Variants in RNF152 observed in about 807,000 individuals in gnomAD.
The protein encoded by RNF152 is E3 ubiquitin-protein ligase RNF152.
In RNF152, 11 loss-of-function variants were observed where a neutral mutation model predicts 12.7. That is an observed-to-expected ratio of 0.86 (90% CI 0.54 to 1.43). The LOEUF is 1.43. Among genes scored for constraint, RNF152 ranks in the 40% most tolerant of loss-of-function variants. The pLI is 0.00. For synonymous variants in RNF152, 113 were observed against 120.3 expected, an observed-to-expected ratio of 0.94 and a Z score of 0.40; for missense variants, 255 against 274.8, an observed-to-expected ratio of 0.93 and a Z score of 0.51.
intron 1 of RNF152, among the ~76,000 whole-genome samples, chr18:61,824,248 T>C (rs984217338): frequency 1.3e-5 from 2 of 152,218 alleles, no homozygotes; most frequent in Non-Finnish European, 2.9e-5. Flanking sequence ...ATAGGTTACC[T>C]TAAGCAAATA....
chr18:61,854,077 T>C (rs2144700345), intron 1 of RNF152, among the ~76,000 whole-genome samples: 1 of 152,316 alleles, frequency 6.6e-6, no homozygotes, highest in African/African-American at 2.4e-5. Flanking sequence ...AAGCCCCACG[T>C]TCTTTCTGCC....
chr18:61,873,215 C>A (rs1216012179), intron 1 of RNF152, among the ~76,000 whole-genome samples: 1 of 152,172 alleles, frequency 6.6e-6, no homozygotes, highest in Non-Finnish European at 1.5e-5. Flanking sequence ...CAGAATTTCA[C>A]AAAATGCTTA....
chr18:61,823,462 AT>A (rs33930800), intron 1 of RNF152, among the ~76,000 whole-genome samples: 40,792 of 151,736 alleles, frequency 0.27, 6,249 homozygotes, highest in Non-Finnish European at 0.35. Flanking sequence ...CACCCAGCTA[AT>A]TTTTTTTGTA....
At chr18:61,873,749 AT>A in intron 1 of RNF152, among the ~76,000 whole-genome samples, 1 of 152,318 alleles carries the variant, frequency 6.6e-6, no homozygotes, top group African/African-American at 2.4e-5. Context: ...AAAGTCCGTT[AT>A]GAACATCAGT....
At chr18:61,880,411 C>T (rs1912408068) in intron 1 of RNF152, among the ~76,000 whole-genome samples, 1 of 152,166 alleles carries the variant, frequency 6.6e-6, no homozygotes, top group Non-Finnish European at 1.5e-5. Context: ...AGAGGAAGGA[C>T]TCAAGCCAGA....
chr18:61,830,238 C>T (rs772524857), intron 1 of RNF152, among the ~76,000 whole-genome samples: 1 of 152,010 alleles, frequency 6.6e-6, no homozygotes, highest in South Asian at 2.1e-4. Flanking sequence ...TTTGGCCAGG[C>T]TGGTCTTGAA....
At chr18:61,892,305 A>C (rs2144780918) in intron 1 of RNF152, among the ~76,000 whole-genome samples, 1 of 152,280 alleles carries the variant, frequency 6.6e-6, no homozygotes, top group East Asian at 1.9e-4. Flanking sequence ...TGCAAACACT[A>C]TTACAATGAA....
At chr18:61,886,202 A>C (rs1912690653) in intron 1 of RNF152, among the ~76,000 whole-genome samples, 1 of 152,100 alleles carries the variant, frequency 6.6e-6, no homozygotes, top group Non-Finnish European at 1.5e-5. Flanking sequence ...TCTTAAAAAT[A>C]AGTTTCTATC....
intron 1 of RNF152, among the ~76,000 whole-genome samples, chr18:61,853,265 G>A (rs975662798): frequency 1.3e-5 from 2 of 151,668 alleles, no homozygotes; most frequent in Admixed American, 1.3e-4. Context: ...TTCTTTCTGG[G>A]GGCTCTAACG....
intron 1 of RNF152, among the ~76,000 whole-genome samples, chr18:61,857,718 CA>C (rs1379951317): frequency 1.3e-5 from 2 of 152,100 alleles, no homozygotes; most frequent in African/African-American, 4.8e-5. Flanking sequence ...AACAAACAAA[CA>C]AACAAAAACT....
chr18:61,878,101 A>G (rs375018831), intron 1 of RNF152, among the ~76,000 whole-genome samples: 1 of 152,222 alleles, frequency 6.6e-6, no homozygotes, highest in Non-Finnish European at 1.5e-5. Context: ...TCTGAACTGC[A>G]TCTCATTTCC....
intron 1 of RNF152, among the ~76,000 whole-genome samples, chr18:61,848,244 C>T (rs1910822486): frequency 1.3e-5 from 2 of 152,012 alleles, no homozygotes; most frequent in Admixed American, 6.5e-5. Flanking sequence ...CTGTCTCTCC[C>T]TCTCCCTCTC....
chr18:61,892,174 G>T (rs1313287665), intron 1 of RNF152, among the ~76,000 whole-genome samples: 1 of 152,156 alleles, frequency 6.6e-6, no homozygotes, highest in African/African-American at 2.4e-5. Context: ...AGAGTCTACT[G>T]GTTCATGGCT....
At position 61,814,359 on chromosome 18, in the gene RNF152, A is replaced by C. The variant is rs1027956810; in HGVS notation, c.*1493T>G. On this transcript the variant is annotated 3_prime_UTR_variant, in exon 2 of 2. Coordinates refer to ENST00000312828, the MANE Select transcript of RNF152 (RefSeq NM_173557.3). ...CAGGGATTCAGTGGAACATAAAAACAGTTATATTTATAAGTGGAGTCCTTG... is the reference window on the plus strand; with the variant it reads ...CAGGGATTCAGTGGAACATAAAAACCGTTATATTTATAAGTGGAGTCCTTG... The C allele has an allele frequency of 2.6e-5, 4 of 152,188 alleles. No individual in the cohort carries two copies. The highest frequency in any genetic ancestry group is 9.7e-5 in the African/African-American group (4 of 41,444). The allele number at this position is 152,188 out of a possible 1,614,324, so 9.4% of individuals were successfully genotyped here.
chr18:61,816,591 G>A lies in RNF152; in HGVS notation c.-128C>T. On this transcript the variant is annotated 5_prime_UTR_variant, in exon 2 of 2. Transcript: ENST00000312828. The stretch of plus-strand genomic sequence containing the variant: ...ACAGGCATCCAGTACTCACAGGTGT[G>A]TTCATTTCTGAGAGAGACAAATAAT... 1 of 937,472 alleles carries A rather than the reference G, an allele frequency of 1.1e-6. No homozygotes were observed. The highest frequency in any genetic ancestry group is 1.6e-6 in the Non-Finnish European group (1 of 616,166). 58.1% of individuals were successfully genotyped at this position (937,472 alleles called of 1,614,324 possible). A position where few individuals can be genotyped will look rare whatever the true frequency, so the allele number is the denominator to read the frequency against.
intron 1 of RNF152, among the ~76,000 whole-genome samples, chr18:61,877,406 T>C (rs1568292679): frequency 6.6e-6 from 1 of 152,226 alleles, no homozygotes; most frequent in Non-Finnish European, 1.5e-5. Context: ...GATTTATTTA[T>C]TAATGGTGTG....
chr18:61,816,841 T>C (rs1014086993), intron 1 of RNF152, among the ~76,000 whole-genome samples: 3 of 152,220 alleles, frequency 2.0e-5, no homozygotes, highest in African/African-American at 4.8e-5. Context: ...ACTCCAATAG[T>C]TGTAGACGAT....
At chr18:61,864,397 A>G (rs925482748) in intron 1 of RNF152, among the ~76,000 whole-genome samples, 6 of 152,236 alleles carry the variant, frequency 3.9e-5, no homozygotes, top group Non-Finnish European at 7.3e-5. Context: ...GATAACAGAT[A>G]CAACTCAGAT....
At chr18:61,850,824 C>G (rs1259584840) in intron 1 of RNF152, among the ~76,000 whole-genome samples, 1 of 152,194 alleles carries the variant, frequency 6.6e-6, no homozygotes, top group Non-Finnish European at 1.5e-5. Context: ...GCAGCCTCCC[C>G]CTGAGCACTT....
Sources: allele counts gnomAD v4.1 joint callset (sites outside exome capture counted in the v4.1 genomes callset), GRCh38; gene constraint gnomAD v4.1.1; transcripts MANE v1.5; gene names NCBI Gene and HGNC (gene_info 2026-07-23, HGNC 2026-07-21).